RBFOX1: variants seen among roughly 807,000 people sequenced by gnomAD.
RBFOX1 encodes RNA binding fox-1 homolog 1.
Under a neutral mutation model 57.7 loss-of-function variants are expected in RBFOX1, and 8 were observed. That is an observed-to-expected ratio of 0.14 (90% confidence interval 0.08 to 0.25). The LOEUF is 0.25. Among genes scored for constraint, RBFOX1 ranks in the 10% least tolerant of loss-of-function variants. The probability of loss-of-function intolerance (pLI) is 1.00; values close to 1 mark genes in which losing one functional copy is unlikely to be tolerated. For synonymous variants in RBFOX1, 326 were observed against 222.4 expected (o/e 1.47, Z -4.15); for missense variants, 611 against 548.5 (o/e 1.11, Z -1.14).
chr16:7,241,622 G>GA (rs536159415), intron 4 of RBFOX1, among the ~76,000 whole-genome samples: 168 of 152,006 alleles, frequency 1.1e-3, no homozygotes, highest in African/African-American at 3.9e-3. Context: ...TTATAATAAA[G>GA]AAAAAACATT....
intron 4 of RBFOX1, among the ~76,000 whole-genome samples, chr16:7,315,093 T>TTC (rs2096407144): frequency 9.1e-6 from 1 of 109,552 alleles, no homozygotes; most frequent in African/African-American, 5.6e-5. Flanking sequence ...GAAAAGCTCT[T>TTC]TTTTTTTTTT....
At chr16:6,003,456 C>T (rs1468024791) in intron 4 of RBFOX1, among the ~76,000 whole-genome samples, 1 of 152,086 alleles carries the variant, frequency 6.6e-6, no homozygotes, top group Non-Finnish European at 1.5e-5. Flanking sequence ...GACTACTTCT[C>T]GCCACCGCCC....
chr16:7,121,142 C>T (rs1005443266), intron 4 of RBFOX1, among the ~76,000 whole-genome samples: 1 of 151,980 alleles, frequency 6.6e-6, no homozygotes, highest in South Asian at 2.1e-4. Flanking sequence ...CAACAAACAA[C>T]CCCACAGCTA....
intron 2 of RBFOX1, among the ~76,000 whole-genome samples, chr16:6,416,656 G>C (rs968080734): frequency 2.6e-5 from 4 of 152,094 alleles, no homozygotes; most frequent in Admixed American, 2.6e-4. Flanking sequence ...TAAACAAAAA[G>C]AAAGTCTAAG....
At chr16:7,296,833 C>G (rs146624608) in intron 4 of RBFOX1, among the ~76,000 whole-genome samples, 85 of 152,234 alleles carry the variant, frequency 5.6e-4, no homozygotes, top group African/African-American at 2.0e-3. Context: ...CAGTTCTATT[C>G]CTCTACTTGG....
rs568834419 is a variant in RBFOX1 at position 7,635,575 on chromosome 16, C to T, written c.757+4892C>T. Among the ~76,000 whole-genome samples the T allele has an allele frequency of 1.0e-4, 15 of 150,646 alleles. No individual in the cohort carries two copies. The East Asian group carries it at 1.6e-3, about 16-fold the overall frequency. ...ACATACACACATGCAATGGTGGGGG[C>T]GGGGGACGGTGTGTTATTAGTTTGA... is the stretch of plus-strand genomic sequence containing the variant. On this transcript the variant is annotated intron_variant, in intron 11 of 15. Coordinates refer to ENST00000550418, the MANE Select transcript of RBFOX1 (RefSeq NM_018723.4).
intron 1 of RBFOX1, among the ~76,000 whole-genome samples, chr16:5,283,587 G>T (rs2063323642): frequency 6.6e-6 from 1 of 152,288 alleles, no homozygotes; most frequent in East Asian, 1.9e-4. Context: ...ACCTGCATGT[G>T]AGACATGGAC....
rs199690584 is a variant in RBFOX1, at chr16:6,060,122, G to GTTTTTTTTTTTT, written c.-127+40155_-127+40166dup. Among the ~76,000 whole-genome samples the GTTTTTTTTTTTT allele has an allele frequency of 2.2e-4, 25 of 114,198 alleles. 2 individuals are homozygous for GTTTTTTTTTTTT. The highest frequency in any genetic ancestry group is 4.7e-4 in the Admixed American group (5 of 10,692). 74.9% of individuals were successfully genotyped at this position (114,198 alleles called of 152,430 possible). A position where few individuals can be genotyped will look rare whatever the true frequency, so the allele number is the denominator to read the frequency against. On this transcript the variant is annotated intron_variant, in intron 1 of 15. Coordinates refer to ENST00000550418, the MANE Select transcript of RBFOX1 (RefSeq NM_018723.4). Reference sequence around the variant, plus strand: ...ATTTGGCCCTAAAATTAGGATTAGGGTTTTTTTTTTTTTTTTTTTTTTTTT... The same window carrying GTTTTTTTTTTTT: ...ATTTGGCCCTAAAATTAGGATTAGGGTTTTTTTTTTTTTTTTTTTTTTTTTTTTTTTTTTTTT...
intron 3 of RBFOX1, among the ~76,000 whole-genome samples, chr16:5,688,437 C>G (rs1449879582): frequency 6.6e-6 from 1 of 152,180 alleles, no homozygotes; most frequent in Non-Finnish European, 1.5e-5. Context: ...CCTCATGTTG[C>G]CTGCAAGAAT....
intron 4 of RBFOX1, among the ~76,000 whole-genome samples, chr16:5,902,838 G>A (rs2152185625): frequency 6.6e-6 from 1 of 152,138 alleles, no homozygotes; most frequent in East Asian, 1.9e-4. Context: ...AACTAAAAGT[G>A]TATCATTCAC....
At chr16:6,575,041 TAAAAA>T (rs60159843) in intron 2 of RBFOX1, among the ~76,000 whole-genome samples, 112 of 142,162 alleles carry the variant, frequency 7.9e-4, no homozygotes, top group Non-Finnish European at 1.1e-3. Flanking sequence ...CCGTCTCAAT[TAAAAA>T]AAAAAAAAAA....
At chr16:5,266,120 A>C (rs574184897) in intron 1 of RBFOX1, among the ~76,000 whole-genome samples, 1 of 152,152 alleles carries the variant, frequency 6.6e-6, no homozygotes, top group Non-Finnish European at 1.5e-5. Context: ...CTATGAGATG[A>C]CTAGAATGAA....
intron 3 of RBFOX1, among the ~76,000 whole-genome samples, chr16:5,744,752 A>C (rs941488585): frequency 1.3e-5 from 2 of 152,100 alleles, no homozygotes; most frequent in Non-Finnish European, 1.5e-5. Context: ...ATTGTGAAGA[A>C]ATTGTGCTTT....
chr16:6,719,714 G>A (rs1263467776), intron 3 of RBFOX1, among the ~76,000 whole-genome samples: 4 of 151,714 alleles, frequency 2.6e-5, no homozygotes, highest in East Asian at 3.9e-4. Context: ...CCAAAGTGAT[G>A]GGATTACAGG....
At chr16:6,465,383 C>A (rs893583249) in intron 2 of RBFOX1, among the ~76,000 whole-genome samples, 1 of 152,072 alleles carries the variant, frequency 6.6e-6, no homozygotes, top group Admixed American at 6.5e-5. Context: ...CTGTAAGAGT[C>A]AAGAAAATAA....
intron 1 of RBFOX1, among the ~76,000 whole-genome samples, chr16:5,447,227 G>C (rs2068270065): frequency 6.6e-6 from 1 of 152,134 alleles, no homozygotes; most frequent in Non-Finnish European, 1.5e-5. Context: ...GGTGAAGGCA[G>C]TGTGTGTGAT....
intron 4 of RBFOX1, among the ~76,000 whole-genome samples, chr16:5,897,811 C>G (rs1167658356): frequency 6.7e-6 from 1 of 150,298 alleles, no homozygotes; most frequent in East Asian, 2.0e-4. Flanking sequence ...ATCATACCTT[C>G]TATTGCAATT....
At chr16:7,558,633 C>G (rs748024961) in intron 5 of RBFOX1, among the ~76,000 whole-genome samples, 1 of 152,056 alleles carries the variant, frequency 6.6e-6, no homozygotes, top group African/African-American at 2.4e-5. Flanking sequence ...TCACAGAATT[C>G]CTGACAAGTT....
chr16:5,267,949 C>G (rs2062903227), intron 1 of RBFOX1, among the ~76,000 whole-genome samples: 1 of 152,106 alleles, frequency 6.6e-6, no homozygotes, highest in South Asian at 2.1e-4. Context: ...CATGGTGGCA[C>G]ACACATGTAG....
Sources: gnomAD v4.1 joint callset for allele counts (sites outside exome capture counted in the v4.1 genomes callset) on GRCh38, gnomAD v4.1.1 for gene constraint, MANE v1.5 for transcripts, NCBI Gene and HGNC (gene_info 2026-07-23, HGNC 2026-07-21) for gene names.